The following GOLM2 variants were observed in gnomAD, a reference collection of about 807,000 sequenced individuals.
GOLM2 encodes golgi membrane protein 2, also known as protein GOLM2.
In GOLM2, 26 loss-of-function variants were observed where a neutral mutation model predicts 55.9. The ratio of observed to expected loss-of-function variants is 0.47; its 90% CI spans 0.34 to 0.65. The LOEUF is 0.65. GOLM2 is among the 30% of genes least tolerant of loss of function. GOLM2 has a pLI of 0.01. For missense variants in GOLM2, 486 were observed against 531.8 expected (o/e 0.91, Z 0.85); for synonymous variants, 165 against 194.6 (o/e 0.85, Z 1.27).
intron 8 of GOLM2, among the ~76,000 whole-genome samples, chr15:44,394,829 A>G (rs2141206434): frequency 6.6e-6 from 1 of 152,312 alleles, no homozygotes; most frequent in African/African-American, 2.4e-5. Flanking sequence ...GATCAGTTGA[A>G]TGTGTTAACT....
chr15:44,352,975 A>T (rs1026952667), intron 6 of GOLM2, among the ~76,000 whole-genome samples: 4 of 152,126 alleles, frequency 2.6e-5, no homozygotes, highest in Admixed American at 2.0e-4. Context: ...ATATTTGCAA[A>T]CTATCTATCT....
Position 44,369,930 on chromosome 15 carries a change from C to T in GOLM2, c.803-9760C>T, listed in dbSNP as rs531220786. On this transcript the variant is annotated intron_variant, in intron 6 of 9. Transcript: ENST00000299957. ...ATTAACTCATACGATCACAAGGTCCCACATTAGGTTGTCTGCGAGCTTGAG... is the reference window on the plus strand; with the variant it reads ...ATTAACTCATACGATCACAAGGTCCTACATTAGGTTGTCTGCGAGCTTGAG... 5.3e-5 allele frequency among the ~76,000 whole-genome samples: 8 copies of T among 152,062 alleles called. No individual in the cohort carries two copies. The South Asian group carries it at 1.7e-3, about 32-fold the overall frequency.
chr15:44,390,389 G>C (rs1478214973), intron 8 of GOLM2: 1 of 152,124 alleles, frequency 6.6e-6, no homozygotes, highest in East Asian at 1.9e-4. Flanking sequence ...AAGTCATGAG[G>C]GTGGTTACTC....
intron 6 of GOLM2, among the ~76,000 whole-genome samples, chr15:44,362,281 A>T (rs1361265859): frequency 1.3e-5 from 2 of 152,100 alleles, no homozygotes; most frequent in African/African-American, 4.8e-5. Flanking sequence ...ACATGATTGT[A>T]TATCTAGAAA....
chr15:44,362,679 T>G (rs1343990450), intron 6 of GOLM2, among the ~76,000 whole-genome samples: 1 of 152,106 alleles, frequency 6.6e-6, no homozygotes, highest in African/African-American at 2.4e-5. Context: ...CTTCACAGAA[T>G]TGGAAAAAAC....
At chr15:44,407,989 A>C (rs2079609254) in intron 9 of GOLM2, among the ~76,000 whole-genome samples, 1 of 151,980 alleles carries the variant, frequency 6.6e-6, no homozygotes, top group Non-Finnish European at 1.5e-5. Context: ...TGACCTCATG[A>C]TCTGCCCGCC....
chr15:44,406,865 T>C (rs1161733940), intron 9 of GOLM2: 2 of 152,016 alleles, frequency 1.3e-5, no homozygotes, highest in African/African-American at 4.8e-5. Flanking sequence ...GTCTCCAAAA[T>C]TGTGTATTAT....
chr15:44,390,757 C>T (rs888891094), intron 8 of GOLM2, among the ~76,000 whole-genome samples: 1 of 151,950 alleles, frequency 6.6e-6, no homozygotes, highest in Non-Finnish European at 1.5e-5. Context: ...TTAGTAGAGA[C>T]GGGGTTTCTC....
intron 3 of GOLM2, among the ~76,000 whole-genome samples, chr15:44,330,871 T>C (rs1244754428): frequency 1.3e-5 from 2 of 152,232 alleles, no homozygotes; most frequent in African/African-American, 4.8e-5. Context: ...TCTAAAATGA[T>C]TGTACTCATT....
At chr15:44,355,196 T>G (rs1384350864) in intron 6 of GOLM2, 1 of 171,906 alleles carries the variant, frequency 5.8e-6, no homozygotes, top group African/African-American at 2.4e-5. Flanking sequence ...TCTGGCATCA[T>G]GGAGGGACTC....
Position 44,329,495 on chromosome 15 carries a change from T to C in GOLM2, c.485+708T>C, listed in dbSNP as rs544253278. ...TTCTGCATGTCTATAGGATTAAAGA[T>C]TTAACGTATGTACAGGTAATATATT... is the stretch of plus-strand genomic sequence containing the variant. On this transcript the variant is annotated intron_variant, in intron 3 of 9. Coordinates refer to ENST00000299957, the MANE Select transcript of GOLM2 (RefSeq NM_138423.4). Among the ~76,000 whole-genome samples the C allele has an allele frequency of 2.0e-5, 3 of 152,306 alleles. No homozygotes were observed. In the South Asian group the frequency reaches 6.2e-4, roughly 32 times the overall value.
intron 9 of GOLM2, among the ~76,000 whole-genome samples, 188 bp from the exon 10 acceptor site, chr15:44,413,148 A>G (rs937690006): frequency 6.6e-6 from 1 of 152,184 alleles, no homozygotes; most frequent in Non-Finnish European, 1.5e-5. Context: ...GTTAAAATTA[A>G]TCTTGCAAAA....
intron 8 of GOLM2, among the ~76,000 whole-genome samples, chr15:44,391,433 C>T (rs1012007878): frequency 2.0e-5 from 3 of 151,468 alleles, no homozygotes; most frequent in Non-Finnish European, 4.4e-5. Flanking sequence ...AGGAGAATGG[C>T]GTGAACCCGG....
intron 9 of GOLM2, among the ~76,000 whole-genome samples, chr15:44,403,483 A>C (rs1322962015): frequency 6.6e-6 from 1 of 152,130 alleles, no homozygotes; most frequent in Non-Finnish European, 1.5e-5. Context: ...TAATACAAAG[A>C]GGTTCTGTGG....
At chr15:44,390,643 C>T (rs549626248) in intron 8 of GOLM2, among the ~76,000 whole-genome samples, 3 of 152,002 alleles carry the variant, frequency 2.0e-5, no homozygotes, top group East Asian at 1.9e-4. Flanking sequence ...TCGGCTCACC[C>T]ACCGCAACCT....
chr15:44,407,836 C>T (rs2079608204), intron 9 of GOLM2, among the ~76,000 whole-genome samples: 1 of 151,522 alleles, frequency 6.6e-6, no homozygotes, highest in African/African-American at 2.4e-5. Context: ...ACTGCAACCT[C>T]CCCCTCCCAG....
At chr15:44,403,171 T>A in intron 9 of GOLM2, 117 bp downstream of exon 9, 5 of 1,231,564 alleles carry the variant, frequency 4.1e-6, no homozygotes, top group Non-Finnish European at 4.6e-6. Flanking sequence ...AATTTTTTGT[T>A]TTTTCTTTGT....
intron 8 of GOLM2, among the ~76,000 whole-genome samples, chr15:44,397,255 C>T (rs1019470221): frequency 3.3e-5 from 5 of 151,830 alleles, no homozygotes; most frequent in South Asian, 4.2e-4. Context: ...CGAGGCAGGC[C>T]GATCACGAGG....
intron 6 of GOLM2, among the ~76,000 whole-genome samples, chr15:44,359,456 C>A (rs2079221358): frequency 1.3e-5 from 2 of 151,584 alleles, no homozygotes; most frequent in South Asian, 2.1e-4. Context: ...GGCATGGTGG[C>A]AGGCACCTGT....
Sources: allele counts gnomAD v4.1 joint callset (sites outside exome capture counted in the v4.1 genomes callset), GRCh38; gene constraint gnomAD v4.1.1; transcripts MANE v1.5; gene names NCBI Gene and HGNC (gene_info 2026-07-23, HGNC 2026-07-21).